The following ANKS1B variants were observed in gnomAD, a reference collection of about 807,000 sequenced individuals.
ANKS1B encodes ankyrin repeat and sterile alpha motif domain-containing protein 1B.
ANKS1B carries 36 observed loss-of-function variants against 148.3 expected under a neutral mutation model. That is an observed-to-expected ratio of 0.24 (90% CI 0.19 to 0.32). The LOEUF (loss-of-function observed/expected upper bound fraction) is 0.32. Ranked by LOEUF, ANKS1B falls within the 10% of genes least tolerant of loss-of-function variation. The probability of loss-of-function intolerance (pLI) is 1.00; values close to 1 mark genes in which losing one functional copy is unlikely to be tolerated. For synonymous variants in ANKS1B, 542 were observed against 560.8 expected (o/e 0.97, Z 0.47); for missense variants, 1,157 against 1,542.6 (o/e 0.75, Z 4.19).
At chr12:99,740,694 G>A (rs1406413429) in intron 8 of ANKS1B, among the ~76,000 whole-genome samples, 2 of 152,268 alleles carry the variant, frequency 1.3e-5, no homozygotes, top group East Asian at 3.9e-4. Flanking sequence ...TCCAACCCAG[G>A]TACCTGGCTT....
chr12:99,826,284 A>G (rs1264569062), intron 1 of ANKS1B, among the ~76,000 whole-genome samples: 1 of 152,204 alleles, frequency 6.6e-6, no homozygotes, highest in Non-Finnish European at 1.5e-5. Flanking sequence ...AATGGAAAAG[A>G]TAGACACACA....
intron 12 of ANKS1B, among the ~76,000 whole-genome samples, chr12:99,346,278 T>C (rs1236210018): frequency 2.0e-5 from 3 of 151,856 alleles, no homozygotes; most frequent in Non-Finnish European, 2.9e-5. Flanking sequence ...TTCTTGATAG[T>C]TACCCCCCTG....
At chr12:98,869,508 C>T (rs2099642389) in intron 17 of ANKS1B, among the ~76,000 whole-genome samples, 1 of 152,160 alleles carries the variant, frequency 6.6e-6, no homozygotes, top group South Asian at 2.1e-4. Context: ...GCCTGTCATT[C>T]AGCACTTAAT....
intron 2 of ANKS1B, among the ~76,000 whole-genome samples, chr12:99,812,568 G>T (rs199944325): frequency 6.9e-6 from 1 of 144,426 alleles, no homozygotes; most frequent in Non-Finnish European, 1.5e-5. Context: ...CAGAGAGAGA[G>T]AGAGAGAGAA....
chr12:98,947,619 G>A (rs2099847431), intron 17 of ANKS1B, among the ~76,000 whole-genome samples: 1 of 152,148 alleles, frequency 6.6e-6, no homozygotes, highest in Non-Finnish European at 1.5e-5. Context: ...TTGATATTGA[G>A]GGCTCTACAT....
At chr12:99,450,628 G>A (rs1046187501) in intron 10 of ANKS1B, among the ~76,000 whole-genome samples, 6 of 152,126 alleles carry the variant, frequency 3.9e-5, no homozygotes, top group Non-Finnish European at 8.8e-5. Context: ...CTGAATCCAT[G>A]AGCTATACCA....
At chr12:99,523,139 C>G (rs1018115501) in intron 9 of ANKS1B, among the ~76,000 whole-genome samples, 10 of 152,172 alleles carry the variant, frequency 6.6e-5, no homozygotes, top group African/African-American at 2.4e-4. Flanking sequence ...CATGGGAAAA[C>G]TAAAGCATCT....
intron 1 of ANKS1B, among the ~76,000 whole-genome samples, chr12:99,947,960 ACTT>A (rs756931141): frequency 1.1e-4 from 16 of 152,122 alleles, no homozygotes; most frequent in Non-Finnish European, 1.9e-4. Flanking sequence ...AATGTCCCTG[ACTT>A]CTTCTTCTAA....
chr12:98,802,602 T>A (rs2099013986), intron 20 of ANKS1B, among the ~76,000 whole-genome samples: 1 of 49,896 alleles, frequency 2.0e-5, no homozygotes, highest in Non-Finnish European at 4.5e-5. Context: ...GGCTTTTTTT[T>A]TTTTTTTTTT....
At chr12:99,227,191 T>G (rs1026536273) in intron 14 of ANKS1B, among the ~76,000 whole-genome samples, 2 of 152,276 alleles carry the variant, frequency 1.3e-5, no homozygotes, top group Admixed American at 6.5e-5. Flanking sequence ...GCTATTCTCA[T>G]GACAGTGAGT....
At chr12:99,580,199 T>A (rs2153227539) in intron 9 of ANKS1B, among the ~76,000 whole-genome samples, 1 of 151,982 alleles carries the variant, frequency 6.6e-6, no homozygotes, top group South Asian at 2.1e-4. Flanking sequence ...TACTTGAGGG[T>A]AGAGGGTTGG....
intron 11 of ANKS1B, among the ~76,000 whole-genome samples, chr12:99,404,753 G>T (rs2094493308): frequency 6.9e-6 from 1 of 145,400 alleles, no homozygotes; most frequent in South Asian, 2.1e-4. Flanking sequence ...TGAGAACAGA[G>T]AACTTCCTAG....
rs12300184 is a variant in ANKS1B, at chr12:99,384,305, G to A, written c.1756+15326C>T. Among the ~76,000 whole-genome samples the A allele has an allele frequency of 6.1e-3, 929 of 152,154 alleles. 13 individuals carry two copies. The highest frequency in any genetic ancestry group is 0.021 in the African/African-American group (878 of 41,494). ...GACTGTAAACAAGTTTCCTAACCAC[G>A]GTGAGCCTACTCTTTAAATGTAATC... On this transcript the variant is annotated intron_variant, in intron 12 of 26. Coordinates refer to ENST00000683438, the MANE Select transcript of ANKS1B (RefSeq NM_001352186.2).
chr12:99,485,550 C>T (rs147756049), intron 10 of ANKS1B, among the ~76,000 whole-genome samples: 2,838 of 152,220 alleles, frequency 0.019, 38 homozygotes, highest in Middle Eastern at 0.041. Context: ...AGATCTCTAG[C>T]TAGACCAGGG....
intron 12 of ANKS1B, among the ~76,000 whole-genome samples, chr12:99,291,378 A>G (rs550282276): frequency 1.3e-5 from 2 of 152,316 alleles, no homozygotes; most frequent in South Asian, 4.1e-4. Flanking sequence ...TCTTTGCAGA[A>G]ATAGAAAAAA....
intron 24 of ANKS1B, among the ~76,000 whole-genome samples, chr12:98,778,947 T>C (rs2098707465): frequency 6.6e-6 from 1 of 152,150 alleles, no homozygotes; most frequent in South Asian, 2.1e-4. Context: ...ATGTGGACCC[T>C]GTATAGCCAG....
intron 1 of ANKS1B, among the ~76,000 whole-genome samples, chr12:99,980,156 GA>G (rs879875088): frequency 2.4e-4 from 35 of 145,082 alleles, no homozygotes; most frequent in East Asian, 4.0e-4. Flanking sequence ...ACAGGTCATT[GA>G]AAAAAAAAAA....
chr12:98,814,707 C>T (rs187465622), intron 19 of ANKS1B, among the ~76,000 whole-genome samples: 1 of 152,302 alleles, frequency 6.6e-6, no homozygotes, highest in Admixed American at 6.5e-5. Context: ...TTCTCTCAAT[C>T]CCTGTCACAT....
chr12:99,399,256 C>A (rs2094337335), intron 12 of ANKS1B, among the ~76,000 whole-genome samples: 3 of 152,090 alleles, frequency 2.0e-5, no homozygotes, highest in Non-Finnish European at 4.4e-5. Context: ...TGTACAATTC[C>A]TTCTTACCAG....
Sources: allele counts gnomAD v4.1 joint callset (sites outside exome capture counted in the v4.1 genomes callset), GRCh38; gene constraint gnomAD v4.1.1; transcripts MANE v1.5; gene names NCBI Gene and HGNC (gene_info 2026-07-23, HGNC 2026-07-21).